NBEAL2: variants seen among roughly 807,000 people sequenced by gnomAD.
NBEAL2 encodes neurobeachin-like protein 2.
NBEAL2 carries 160 observed loss-of-function variants against 299.8 expected under a neutral mutation model. That is an observed-to-expected ratio of 0.53 (90% CI 0.47 to 0.61). The LOEUF (loss-of-function observed/expected upper bound fraction) is 0.61, where lower values mean the gene tolerates loss of function less well. NBEAL2 is among the 20% of genes least tolerant of loss of function. NBEAL2 has a pLI of 0.00. For missense variants in NBEAL2, 3,112 were observed against 3,649.0 expected, an observed-to-expected ratio of 0.85 and a Z score of 3.79; for synonymous variants, 1,493 against 1,542.3, an observed-to-expected ratio of 0.97 and a Z score of 0.75.
rs372813649 is a variant in NBEAL2, at chr3:46,995,970, C to G, written c.2070C>G (p.Pro690=). 3.3e-5 allele frequency: 53 copies of G among 1,613,212 alleles called. No individual in the cohort carries two copies. The South Asian group carries it at 5.4e-4, about 16-fold the overall frequency. ...VAIVHVPGRR[P]FSQNLVHVYK... is the part of the protein sequence containing the mutation. ...TCGTCCATGTGCCTGGGCGCCGGCCCTTCAGCCAGAACCTGGTCCATGTCT... is the reference window on the plus strand; with the variant it reads ...TCGTCCATGTGCCTGGGCGCCGGCCGTTCAGCCAGAACCTGGTCCATGTCT... Residue 690 remains proline, a synonymous_variant, in exon 15 of 54, where the codon CCC becomes CCG. Transcript: ENST00000450053.
In NBEAL2 at chr3:46,989,146, T is replaced by C; in HGVS notation, c.331T>C (p.Leu111=). ...GCTAGTGCCCCGAGTGCTGGCACTG[T>C]TGACCAAGTTGGTGGCGGAGGTGAA... The part of the protein sequence containing the change: ...QVLVPRVLAL[L]TKLVAELKGC... The change falls in exon 4 of 54, where the codon TTG becomes CTG. Residue 111 remains leucine, a synonymous_variant. Transcript: ENST00000450053. This position sits in a 1 kb window ranked among gnomAD's most constrained non-coding sequence, Gnocchi z 5.5. 1.2e-6 allele frequency: 2 copies of C among 1,613,868 alleles called. No homozygotes were observed. Among genetic ancestry groups the C allele is most frequent in the Non-Finnish European group, 1.7e-6 (2 of 1,179,844 alleles).
At chr3:46,993,407 T>G (rs2036249834) in intron 10 of NBEAL2, among the ~76,000 whole-genome samples, 1 of 152,202 alleles carries the variant, frequency 6.6e-6, no homozygotes, top group Non-Finnish European at 1.5e-5. Context: ...TGCCTCTGGC[T>G]GTCAGGTTCA....
In NBEAL2 at chr3:47,003,104, G is replaced by A. The variant is rs941564737; in HGVS notation, c.5584+23G>A. ...TGGGTGAGGGAGTGTGCTGAGATGG[G>A]TCCACCCAACTCGATTGTCCCGTCT... On this transcript the variant is annotated intron_variant, in intron 34 of 53. Transcript: ENST00000450053. The surrounding 1 kb of genome is among the most constrained non-coding windows in gnomAD (Gnocchi z 7.0). 7.4e-6 allele frequency: 12 copies of A among 1,611,744 alleles called. No individual in the cohort carries two copies. Among genetic ancestry groups the A allele is most frequent in the Non-Finnish European group, 1.0e-5 (12 of 1,178,904 alleles).
intron 1 of NBEAL2, among the ~76,000 whole-genome samples, chr3:46,986,698 G>A (rs1250192584): frequency 3.3e-5 from 5 of 152,174 alleles, no homozygotes; most frequent in Non-Finnish European, 5.9e-5. Flanking sequence ...GGCAAGGATC[G>A]GGGCCCGCAT....
chr3:46,988,850 A>G lies in NBEAL2; in HGVS notation c.149A>G (p.Glu50Gly). 3.7e-6 allele frequency: 6 copies of G among 1,606,742 alleles called. No homozygotes were observed. Among genetic ancestry groups the G allele is most frequent in the Non-Finnish European group, 5.1e-6 (6 of 1,174,708 alleles). Residue 50 changes from glutamate (E) to glycine (G), a missense_variant, in exon 3 of 54, where the codon GAG (glutamate) becomes GGG (glycine). By Grantham distance (98) the Glu-to-Gly change is moderately conservative (BLOSUM62 -2). Transcript: ENST00000450053. This position sits in a 1 kb window ranked among gnomAD's most constrained non-coding sequence, Gnocchi z 4.4. ...LSSLEPRRPEEAGAEVPLLPL... is the reference protein window; with the variant it reads ...LSSLEPRRPEGAGAEVPLLPL... ...CTCCCCTTTCCTTGCAGGCCAGAGG[A>G]GGCAGGTGCAGAGGTCCCGCTGCTA... is the stretch of plus-strand genomic sequence containing the variant.
intron 1 of NBEAL2, among the ~76,000 whole-genome samples, chr3:46,980,158 G>T (rs970702316): frequency 6.6e-6 from 1 of 152,154 alleles, no homozygotes; most frequent in Non-Finnish European, 1.5e-5. Flanking sequence ...CCACCCCCGC[G>T]AGCAGGACCG....
At position 46,998,096 on chromosome 3, in the gene NBEAL2, G is replaced by C; in HGVS notation, c.2988G>C (p.Val996=). ...CAAGCTGGGCCATGGACATGAACGT[G>C]CTCATGTCCGCCCAGCTGCTGATGG... The part of the protein sequence containing the change: ...KVPSWAMDMN[V]LMSAQLLMEQ... Residue 996 remains valine (V), a synonymous_variant, in exon 21 of 54, where the codon GTG becomes GTC. Coordinates refer to ENST00000450053, the MANE Select transcript of NBEAL2 (RefSeq NM_015175.3). 9 of 1,577,882 alleles carry C rather than the reference G, an allele frequency of 5.7e-6. No homozygotes were observed. Among genetic ancestry groups the C allele is most frequent in the Non-Finnish European group, 7.7e-6 (9 of 1,161,608 alleles).
Position 46,989,894 on chromosome 3 carries a change from C to G in NBEAL2, c.556+301C>G, listed in dbSNP as rs2035964397. 6.6e-6 allele frequency among the ~76,000 whole-genome samples: 1 copy of G among 152,174 alleles called. No individual in the cohort carries two copies. Among genetic ancestry groups the G allele is most frequent in the Non-Finnish European group, 1.5e-5 (1 of 68,032 alleles). On this transcript the variant is annotated intron_variant, in intron 6 of 53. Coordinates refer to ENST00000450053, the MANE Select transcript of NBEAL2 (RefSeq NM_015175.3). The surrounding 1 kb of genome is among the most constrained non-coding windows in gnomAD (Gnocchi z 5.5). ...TACCCTACTGTGATCTTAAAACTCT[C>G]TGGTCCAATCCCTTTGTCCCCATAG...
chr3:47,004,960 G>T lies in NBEAL2; in HGVS notation c.6295-12G>T. ...GGGCCCTCATGCAGCCCCTGCTCGG[G>T]TGGGTGGCCAGTTCCCCTGGGTCCT... is the stretch of plus-strand genomic sequence containing the variant. On this transcript the variant is annotated splice_polypyrimidine_tract_variant and intron_variant, in intron 38 of 53. Transcript: ENST00000450053. This position sits in a 1 kb window ranked among gnomAD's most constrained non-coding sequence, Gnocchi z 5.0. 6.2e-7 allele frequency: 1 copy of T among 1,601,304 alleles called. No homozygotes were observed. The highest frequency in any genetic ancestry group is 2.3e-5 in the East Asian group (1 of 44,084).
rs2035901660 is a variant in NBEAL2 at position 46,989,274 on chromosome 3, A to G, written c.366A>G (p.Pro122=). ...CACACCTACAGCTGAAAGGATGCCC[A>G]CCACCCCAGGGCCGAGGCACGCAGT... is the stretch of plus-strand genomic sequence containing the variant. ...TKLVAELKGC[P]PPQGRGTQLE... is the part of the protein sequence containing the mutation. The change falls in exon 5 of 54, where the codon CCA becomes CCG. Residue 122 remains proline, a synonymous_variant. Coordinates refer to ENST00000450053, the MANE Select transcript of NBEAL2 (RefSeq NM_015175.3). The surrounding 1 kb of genome is among the most constrained non-coding windows in gnomAD (Gnocchi z 5.5). 2 of 1,611,232 alleles carry G rather than the reference A, an allele frequency of 1.2e-6. No individual in the cohort carries two copies. Among genetic ancestry groups the G allele is most frequent in the Admixed American group, 1.7e-5 (1 of 59,626 alleles).
rs746636949 is a variant in NBEAL2, at chr3:46,997,269, A to T, written c.2660A>T (p.Asn887Ile). ...TCCTCCTTCCCCCAGGATGTGGTGA[A>T]CTGCGTTGGGGGTATGGGTGCCCTG... is the stretch of plus-strand genomic sequence containing the variant. ...VETWDVKDVV[N>I]CVGGMGALLP... Residue 887 changes from asparagine to isoleucine, a missense_variant, in exon 19 of 54, where the codon AAC (asparagine) becomes ATC (isoleucine). Transcript: ENST00000450053. 2 of 1,612,474 alleles carry T rather than the reference A, an allele frequency of 1.2e-6. No individual in the cohort carries two copies. The highest frequency in any genetic ancestry group is 2.7e-5 in the African/African-American group (2 of 74,896).
chr3:46,991,528 A>G lies in NBEAL2; in HGVS notation c.765A>G (p.Val255=). The G allele has an allele frequency of 1.2e-6, 2 of 1,610,062 alleles. No individual in the cohort carries two copies. Among genetic ancestry groups the G allele is most frequent in the Non-Finnish European group, 1.7e-6 (2 of 1,179,868 alleles). The change falls in exon 8 of 54, where the codon GTA becomes GTG. Residue 255 remains valine (V), a synonymous_variant. Coordinates refer to ENST00000450053, the MANE Select transcript of NBEAL2 (RefSeq NM_015175.3). This position sits in a 1 kb window ranked among gnomAD's most constrained non-coding sequence, Gnocchi z 6.2. ...CLVPLALEAL[V]GAVHVLHASR... ...TGCCACTGGCTCTAGAGGCACTGGT[A>G]GGTGCAGTCCATGTCTTGCATGCCA...
Position 46,999,691 on chromosome 3 carries a change from C to A in NBEAL2, c.3765C>A (p.Ser1255Arg), listed in dbSNP as rs377098551. 12 of 1,613,548 alleles carry A rather than the reference C, an allele frequency of 7.4e-6. No individual in the cohort carries two copies. In the East Asian group the frequency reaches 2.7e-4, roughly 36 times the overall value. Residue 1255 changes from serine to arginine, a missense_variant, in exon 26 of 54, where the codon AGC (serine) becomes AGA (arginine). By Grantham distance (110) the Ser-to-Arg change is moderately radical. This residue lies in a region of NBEAL2 where 2,243 missense variants were observed against 2,538.1 expected (regional missense o/e 0.88). Coordinates refer to ENST00000450053, the MANE Select transcript of NBEAL2 (RefSeq NM_015175.3). Reference sequence around the variant, plus strand: ...AGCTGTCCCTCCAGGCTGACCTCAGCGTTCGCCTAGACATCTGTCGCCAGG... The same window carrying A: ...AGCTGTCCCTCCAGGCTGACCTCAGAGTTCGCCTAGACATCTGTCGCCAGG... ...VVQLSLQADL[S>R]VRLDICRQLF...
Position 46,991,134 on chromosome 3 carries a change from C to T in NBEAL2, c.557-85C>T. 2 of 1,236,478 alleles carry T rather than the reference C, an allele frequency of 1.6e-6. No homozygotes were observed. The highest frequency in any genetic ancestry group is 2.5e-5 in the East Asian group (1 of 39,444). The allele number at this position is 1,236,478 out of a possible 1,614,324, so 76.6% of individuals were successfully genotyped here. On this transcript the variant is annotated intron_variant, in intron 6 of 53. Transcript: ENST00000450053. This position sits in a 1 kb window ranked among gnomAD's most constrained non-coding sequence, Gnocchi z 6.2. ...GCCCAGCTCCCTCTCCCCTCCACCC[C>T]AGGGCACTCACCTCTTGTGCAGCCC...
At position 46,998,455 on chromosome 3, in the gene NBEAL2, C is replaced by A. The variant is rs773798960; in HGVS notation, c.3119-8C>A. 3 of 1,609,868 alleles carry A rather than the reference C, an allele frequency of 1.9e-6. No homozygotes were observed. In the South Asian group the frequency reaches 3.3e-5, roughly 18 times the overall value. ...AGTGGCCTGAGCCCTCTGCTCATTC[C>A]CGCTCAGGTCACATCCAGTACATGT... is the stretch of plus-strand genomic sequence containing the variant. On this transcript the variant is annotated splice_region_variant and splice_polypyrimidine_tract_variant and intron_variant, in intron 21 of 53. Transcript: ENST00000450053.
chr3:47,005,210 C>A lies in NBEAL2; in HGVS notation c.6449C>A (p.Thr2150Asn). Reference sequence around the variant, plus strand: ...GAAAGCTTTGAGGACCCAGCAGGGACCATTGACAAGTTCCACTATGGCACC... The same window carrying A: ...GAAAGCTTTGAGGACCCAGCAGGGAACATTGACAAGTTCCACTATGGCACC... ...KYESFEDPAG[T>N]IDKFHYGTHY... Residue 2150 changes from threonine to asparagine, a missense_variant, in exon 40 of 54, where the codon ACC becomes AAC. This residue lies in a region of NBEAL2 where 521 missense variants were observed against 729.6 expected (regional missense o/e 0.71). Transcript: ENST00000450053. 1 of 1,613,756 alleles carries A rather than the reference C, an allele frequency of 6.2e-7. No individual in the cohort carries two copies. Among genetic ancestry groups the A allele is most frequent in the South Asian group, 1.1e-5 (1 of 91,090 alleles).
Position 46,988,895 on chromosome 3 carries a change from T to G in NBEAL2, c.194T>G (p.Val65Gly). 1.2e-6 allele frequency: 2 copies of G among 1,612,738 alleles called. No individual in the cohort carries two copies. The highest frequency in any genetic ancestry group is 2.2e-5 in the South Asian group (2 of 91,036). ...CTGCTACCACTGGATGAGCTGCATGTGCTGGCCGAACAGCTGCACCAGGCT... is the reference window on the plus strand; with the variant it reads ...CTGCTACCACTGGATGAGCTGCATGGGCTGGCCGAACAGCTGCACCAGGCT... The part of the protein sequence containing the change: ...VPLLPLDELH[V>G]LAEQLHQADL... The change falls in exon 3 of 54, where the codon GTG becomes GGG. Residue 65 changes from valine to glycine, a missense_variant. Transcript: ENST00000450053. This position sits in a 1 kb window ranked among gnomAD's most constrained non-coding sequence, Gnocchi z 4.4.
At chr3:46,981,207 G>GCACT (rs2035309883) in intron 1 of NBEAL2, among the ~76,000 whole-genome samples, 2 of 152,194 alleles carry the variant, frequency 1.3e-5, no homozygotes, top group Admixed American at 1.3e-4. Flanking sequence ...CACTTTGGGA[G>GCACT]GCCGAGGCGG....
At chr3:46,985,685 G>T (rs2035629776) in intron 1 of NBEAL2, among the ~76,000 whole-genome samples, 1 of 152,174 alleles carries the variant, frequency 6.6e-6, no homozygotes, top group African/African-American at 2.4e-5. Context: ...CAGGACCTGG[G>T]CATCACTTAC....
Sources: allele counts gnomAD v4.1 joint callset (sites outside exome capture counted in the v4.1 genomes callset), GRCh38; gene constraint gnomAD v4.1.1; regional missense constraint gnomAD v4.1.1; non-coding constraint Gnocchi (gnomAD v3.1); transcripts MANE v1.5; gene names NCBI Gene and HGNC (gene_info 2026-07-23, HGNC 2026-07-21).